RREB1: variants seen among roughly 807,000 people sequenced by gnomAD.
RREB1 encodes the protein ras-responsive element-binding protein 1.
Under a neutral mutation model 117.8 loss-of-function variants are expected in RREB1, and 27 were observed. That is an observed-to-expected ratio of 0.23 (90% CI 0.17 to 0.32). The LOEUF is 0.32. Among genes scored for constraint, RREB1 ranks in the 10% least tolerant of loss-of-function variants. RREB1 has a pLI of 1.00. For synonymous variants in RREB1, 1,298 were observed against 1,026.7 expected, an observed-to-expected ratio of 1.26 and a Z score of -5.05; for missense variants, 2,577 against 2,378.2, an observed-to-expected ratio of 1.08 and a Z score of -1.74.
chr6:7,141,475 C>T (rs1762586272), intron 1 of RREB1, among the ~76,000 whole-genome samples: 1 of 152,134 alleles, frequency 6.6e-6, no homozygotes, highest in Non-Finnish European at 1.5e-5. Flanking sequence ...CCGTGCCCGC[C>T]CCCCCGCCTT....
chr6:7,177,260 A>G (rs1199867735), intron 2 of RREB1, among the ~76,000 whole-genome samples: 1 of 150,558 alleles, frequency 6.6e-6, no homozygotes. Flanking sequence ...AGAAATTGTA[A>G]CTATAACTTG....
chr6:7,160,981 G>A lies in RREB1; in HGVS notation c.-284-15674G>A, dbSNP rs146089394. Among the ~76,000 whole-genome samples, 463 of 152,288 alleles carry A rather than the reference G, an allele frequency of 3.0e-3. 3 individuals carry two copies. The highest frequency in any genetic ancestry group is 0.01 in the African/African-American group (433 of 41,572). ...TTACAGGCGTGAGCCACTGCACCCG[G>A]CCCACATCTGGGTAACTTTTTGTGT... is the stretch of plus-strand genomic sequence containing the variant. On this transcript the variant is annotated intron_variant, in intron 1 of 12. Coordinates refer to ENST00000379938, the MANE Select transcript of RREB1 (RefSeq NM_001003699.4).
At chr6:7,126,372 G>A (rs151121420) in intron 1 of RREB1, among the ~76,000 whole-genome samples, 1,770 of 152,056 alleles carry the variant, frequency 0.012, 31 homozygotes, top group African/African-American at 0.041. Flanking sequence ...AGGTTCAAGC[G>A]ATTCTCCTGT....
At chr6:7,196,783 G>A (rs1426682147) in intron 6 of RREB1, among the ~76,000 whole-genome samples, 1 of 152,204 alleles carries the variant, frequency 6.6e-6, no homozygotes, top group Non-Finnish European at 1.5e-5. Flanking sequence ...ATCTGGTACA[G>A]CTTTGTGAGC....
Position 7,187,483 on chromosome 6 carries a change from T to A in RREB1, c.221T>A (p.Ile74Asn). Residue 74 changes from isoleucine (I) to asparagine (N), a missense_variant, in exon 5 of 13, where the codon ATT becomes AAT. By Grantham distance (149) the Ile-to-Asn change is moderately radical. Transcript: ENST00000379938. Reference sequence around the variant, plus strand: ...TATAACTGCCCCCTGTGTGAGAAGATTTGCACTACCCAGCACCAGCTGACC... The same window carrying A: ...TATAACTGCCCCCTGTGTGAGAAGAATTGCACTACCCAGCACCAGCTGACC... ...SSYNCPLCEK[I>N]CTTQHQLTMH... 1 of 1,606,292 alleles carries A rather than the reference T, an allele frequency of 6.2e-7. No individual in the cohort carries two copies. Among genetic ancestry groups the A allele is most frequent in the Non-Finnish European group, 8.5e-7 (1 of 1,174,562 alleles).
intron 1 of RREB1, among the ~76,000 whole-genome samples, chr6:7,133,601 CATA>C (rs1186568321): frequency 1.3e-5 from 2 of 151,892 alleles, no homozygotes; most frequent in African/African-American, 4.8e-5. Context: ...ATTCATTGTA[CATA>C]ATAAGAAGGA....
At chr6:7,174,638 ACT>A (rs751344301) in intron 1 of RREB1, among the ~76,000 whole-genome samples, 25 of 151,880 alleles carry the variant, frequency 1.6e-4, no homozygotes, top group Non-Finnish European at 2.1e-4. Context: ...TTTGAGACAG[ACT>A]CTCTGTCGTC....
intron 1 of RREB1, among the ~76,000 whole-genome samples, chr6:7,113,580 C>T (rs1005648649): frequency 2.6e-5 from 4 of 152,050 alleles, no homozygotes; most frequent in African/African-American, 9.7e-5. Flanking sequence ...GTGGTCCACC[C>T]GGGGGCTGTT....
At chr6:7,247,510 T>G (rs1561810578) in intron 12 of RREB1, among the ~76,000 whole-genome samples, 2 of 151,772 alleles carry the variant, frequency 1.3e-5, no homozygotes, top group Admixed American at 6.6e-5. Flanking sequence ...ATCTGTAGAG[T>G]GGGGGTAACA....
At chr6:7,152,044 T>C (rs890565824) in intron 1 of RREB1, among the ~76,000 whole-genome samples, 2 of 152,328 alleles carry the variant, frequency 1.3e-5, no homozygotes, top group Admixed American at 6.5e-5. Flanking sequence ...CACAAGGACA[T>C]TGATTTGAGG....
intron 1 of RREB1, among the ~76,000 whole-genome samples, chr6:7,155,719 A>G (rs1763334039): frequency 1.3e-5 from 2 of 152,388 alleles, no homozygotes; most frequent in South Asian, 4.1e-4. Context: ...ATGTGATTTA[A>G]TCTTTTGAAT....
intron 1 of RREB1, among the ~76,000 whole-genome samples, chr6:7,109,316 G>A (rs1044638981): frequency 6.6e-6 from 1 of 151,752 alleles, no homozygotes; most frequent in African/African-American, 2.4e-5. Context: ...CTCCCCGCTC[G>A]CGGTCTCTTA....
chr6:7,236,335 C>A (rs1349246554), intron 10 of RREB1, among the ~76,000 whole-genome samples: 1 of 152,112 alleles, frequency 6.6e-6, no homozygotes, highest in Non-Finnish European at 1.5e-5. Context: ...GTGCTTTGAG[C>A]GCCTTTTTTG....
In RREB1 at chr6:7,231,582, C is replaced by T; in HGVS notation, c.3483C>T (p.Ser1161=). 2.5e-6 allele frequency: 4 copies of T among 1,611,190 alleles called. No individual in the cohort carries two copies. The highest frequency in any genetic ancestry group is 1.1e-5 in the South Asian group (1 of 90,982). The change falls in exon 10 of 13, where the codon AGC becomes AGT. Residue 1161 remains serine, a synonymous_variant. Transcript: ENST00000379938. ...KKRGRKRGMR[S]RPRANSGGVD... Reference sequence around the variant, plus strand: ...GGGGCCGGAAAAGGGGGATGAGGAGCCGACCCCGCGCCAACAGCGGCGGGG... The same window carrying T: ...GGGGCCGGAAAAGGGGGATGAGGAGTCGACCCCGCGCCAACAGCGGCGGGG...
chr6:7,143,459 T>C (rs1762715100), intron 1 of RREB1, among the ~76,000 whole-genome samples: 2 of 152,168 alleles, frequency 1.3e-5, no homozygotes, highest in South Asian at 2.1e-4. Flanking sequence ...AGGTGCATGT[T>C]CTGGTTTCTA....
chr6:7,198,021 G>A (rs528013029), intron 6 of RREB1, among the ~76,000 whole-genome samples: 5 of 152,298 alleles, frequency 3.3e-5, no homozygotes, highest in Non-Finnish European at 5.9e-5. Context: ...GAGACAAGGA[G>A]CAGAGGTAGC....
At chr6:7,195,857 C>T (rs575217090) in intron 6 of RREB1, among the ~76,000 whole-genome samples, 87 of 152,244 alleles carry the variant, frequency 5.7e-4, no homozygotes, top group Non-Finnish European at 1.1e-3. Context: ...CCAGTTTCAT[C>T]TGACATGGCC....
chr6:7,218,110 T>TCCAAC, intron 8 of RREB1: 1 of 152,214 alleles, frequency 6.6e-6, no homozygotes, highest in South Asian at 2.1e-4. Flanking sequence ...TTTCTTTAGA[T>TCCAAC]TGTTGGGGGA....
chr6:7,171,314 A>C (rs1764196167), intron 1 of RREB1, among the ~76,000 whole-genome samples: 1 of 152,106 alleles, frequency 6.6e-6, no homozygotes, highest in Non-Finnish European at 1.5e-5. Context: ...AAGGGGGAGG[A>C]GAGCACTCCG....
Sources: gnomAD v4.1 joint callset for allele counts (sites outside exome capture counted in the v4.1 genomes callset) on GRCh38, gnomAD v4.1.1 for gene constraint, MANE v1.5 for transcripts, NCBI Gene and HGNC (gene_info 2026-07-23, HGNC 2026-07-21) for gene names.